The following UNC13B variants were observed in gnomAD, a reference collection of about 807,000 sequenced individuals.
UNC13B encodes unc-13 homolog B, also known as protein unc-13 homolog B.
In UNC13B, 144 loss-of-function variants were observed where a neutral mutation model predicts 211.0. That is an observed-to-expected ratio of 0.68 (90% CI 0.60 to 0.78). The LOEUF (loss-of-function observed/expected upper bound fraction) is 0.78. Ranked by LOEUF, UNC13B falls within the 30% of genes least tolerant of loss-of-function variation. The pLI is 0.00. For missense variants in UNC13B, 1,777 were observed against 2,002.0 expected (o/e 0.89, Z 2.14); for synonymous variants, 709 against 725.8 (o/e 0.98, Z 0.37).
At chr9:35,344,347 A>G (rs544460862) in intron 11 of UNC13B, among the ~76,000 whole-genome samples, 4 of 152,354 alleles carry the variant, frequency 2.6e-5, no homozygotes, top group Admixed American at 6.5e-5. Context: ...TAGTTTTACA[A>G]TGAAAGAGGA....
chr9:35,331,767 G>A (rs1209779751), intron 11 of UNC13B, among the ~76,000 whole-genome samples: 4 of 151,274 alleles, frequency 2.6e-5, no homozygotes, highest in South Asian at 4.2e-4. Flanking sequence ...CCCTTTTTTC[G>A]TTTCCTATTT....
At chr9:35,213,611 A>G (rs1231442789) in intron 1 of UNC13B, among the ~76,000 whole-genome samples, 1 of 152,236 alleles carries the variant, frequency 6.6e-6, no homozygotes, top group African/African-American at 2.4e-5. Flanking sequence ...GTAGCTGGAA[A>G]TAAGATCCTT....
intron 7 of UNC13B, among the ~76,000 whole-genome samples, chr9:35,294,483 T>A (rs544148173): frequency 1.1e-3 from 168 of 152,248 alleles, no homozygotes; most frequent in African/African-American, 3.9e-3. Flanking sequence ...ATTTTTGTAT[T>A]TTTATAGAGA....
chr9:35,380,978 C>CTTGGGTTGGCCCCTTCTTTTCT lies in UNC13B; in HGVS notation c.10376-101_10376-100insTTTGGGTTGGCCCCTTCTTTTC, dbSNP rs373175792. ...AGTGATTCACCCTATTTGGTGAGTC[C>CTTGGGTTGGCCCCTTCTTTTCT]TTGGGTTGGCCCCTTCTTTTCCTTG... On this transcript the variant is annotated intron_variant, in intron 18 of 39. Transcript: ENST00000635942. 6,210 of 907,934 alleles carry CTTGGGTTGGCCCCTTCTTTTCT rather than the reference C, an allele frequency of 6.8e-3. 242 individuals carry two copies. The African/African-American group carries it at 0.083, about 12-fold the overall frequency. The allele number at this position is 907,934 out of a possible 1,614,324, so 56.2% of individuals were successfully genotyped here. A position where few individuals can be genotyped will look rare whatever the true frequency, so the allele number is the denominator to read the frequency against.
At chr9:35,392,804 TAAAATAAAGA>T (rs1344712815) in intron 26 of UNC13B, among the ~76,000 whole-genome samples, 1 of 149,980 alleles carries the variant, frequency 6.7e-6, no homozygotes, top group African/African-American at 2.5e-5. Flanking sequence ...AAAAATAAAA[TAAAATAAAGA>T]AAAGGGTGAA....
chr9:35,339,232 G>A (rs1169465938), intron 11 of UNC13B, among the ~76,000 whole-genome samples: 1 of 152,156 alleles, frequency 6.6e-6, no homozygotes, highest in African/African-American at 2.4e-5. Context: ...TGTTTTTCCA[G>A]TTCTGCCCAG....
intron 7 of UNC13B, among the ~76,000 whole-genome samples, chr9:35,262,264 CTTTCCT>C (rs1052614106): frequency 4.7e-5 from 7 of 149,282 alleles, no homozygotes; most frequent in South Asian, 2.1e-4. Context: ...CCTTCCTTTC[CTTTCCT>C]TTTCCTTTTC....
intron 2 of UNC13B, among the ~76,000 whole-genome samples, chr9:35,228,541 G>A (rs974975879): frequency 1.3e-5 from 2 of 151,576 alleles, no homozygotes; most frequent in Non-Finnish European, 2.9e-5. Context: ...TGAAATATCA[G>A]TGTATCATGT....
intron 22 of UNC13B, 81 bp downstream of exon 22, chr9:35,384,395 A>C: frequency 6.5e-7 from 1 of 1,540,074 alleles, no homozygotes; most frequent in African/African-American, 1.4e-5. Context: ...CTTGGCTATA[A>C]AGATTGAGGC....
At chr9:35,390,021 A>G in intron 25 of UNC13B, 48 bp downstream of exon 25, 1 of 1,606,768 alleles carries the variant, frequency 6.2e-7, no homozygotes, top group Non-Finnish European at 8.5e-7. Flanking sequence ...TGGTCTGTCC[A>G]TCTGTCTAAC....
At chr9:35,401,518 G>A (rs556912491) in intron 37 of UNC13B, among the ~76,000 whole-genome samples, 2 of 152,310 alleles carry the variant, frequency 1.3e-5, no homozygotes, top group African/African-American at 4.8e-5. Flanking sequence ...GAAGCATTGA[G>A]CTTTAAGCTT....
chr9:35,200,807 C>A (rs1206953850), intron 1 of UNC13B, among the ~76,000 whole-genome samples: 1 of 152,154 alleles, frequency 6.6e-6, no homozygotes, highest in African/African-American at 2.4e-5. Context: ...ATCCTCTTTT[C>A]CTAATTGAAT....
intron 7 of UNC13B, among the ~76,000 whole-genome samples, chr9:35,278,695 G>A (rs142302435): frequency 3.0e-3 from 455 of 151,002 alleles, no homozygotes; most frequent in Middle Eastern, 6.8e-3. Context: ...GCTGATTCTT[G>A]TTTATCTTAT....
At chr9:35,170,369 T>C (rs146322798) in intron 1 of UNC13B, among the ~76,000 whole-genome samples, 1,226 of 150,212 alleles carry the variant, frequency 8.2e-3, no homozygotes, top group African/African-American at 0.03. Context: ...TTTCACCATG[T>C]TGGCCAGGCT....
At chr9:35,330,525 A>G (rs1271060449) in intron 11 of UNC13B, among the ~76,000 whole-genome samples, 1 of 152,188 alleles carries the variant, frequency 6.6e-6, no homozygotes, top group Non-Finnish European at 1.5e-5. Context: ...GACTCCAATG[A>G]GGCTATTTGG....
chr9:35,227,387 T>A (rs1824909965), intron 1 of UNC13B, among the ~76,000 whole-genome samples: 1 of 152,206 alleles, frequency 6.6e-6, no homozygotes, highest in South Asian at 2.1e-4. Context: ...AGCTCTAATC[T>A]TCTTTGATAG....
intron 1 of UNC13B, among the ~76,000 whole-genome samples, chr9:35,195,944 A>G (rs1392358320): frequency 6.6e-6 from 1 of 152,242 alleles, no homozygotes; most frequent in Non-Finnish European, 1.5e-5. Context: ...GAATATGCAA[A>G]TTAATTATTG....
chr9:35,183,602 C>T (rs1287796549), intron 1 of UNC13B, among the ~76,000 whole-genome samples: 3 of 148,412 alleles, frequency 2.0e-5, no homozygotes, highest in African/African-American at 7.5e-5. Context: ...AGAGGCGCTC[C>T]TCACCTCCCA....
chr9:35,397,011 G>GCCAAA, intron 28 of UNC13B, 74 bp downstream of exon 28: 1 of 1,607,540 alleles, frequency 6.2e-7, no homozygotes, highest in Non-Finnish European at 8.5e-7. Context: ...GAAGTTCCTG[G>GCCAAA]GCTTTGGCCA....
Sources: allele counts gnomAD v4.1 joint callset (sites outside exome capture counted in the v4.1 genomes callset), GRCh38; gene constraint gnomAD v4.1.1; transcripts MANE v1.5; gene names NCBI Gene and HGNC (gene_info 2026-07-23, HGNC 2026-07-21).